Variants in CDIN1 observed in about 807,000 individuals in gnomAD.
The protein encoded by CDIN1 is CDAN1 interacting nuclease 1, also known as CDAN1-interacting nuclease 1.
A neutral mutation model predicts 45.3 loss-of-function variants in CDIN1; 33 were observed. The ratio of observed to expected loss-of-function variants is 0.73; its 90% CI spans 0.55 to 0.97. The LOEUF (loss-of-function observed/expected upper bound fraction) is 0.97, where lower values mean the gene tolerates loss of function less well. CDIN1 is among the 50% of genes least tolerant of loss of function. The pLI is 0.00. For synonymous variants in CDIN1, 118 were observed against 124.4 expected (o/e 0.95, Z 0.34); for missense variants, 303 against 339.4 (o/e 0.89, Z 0.84).
intron 5 of CDIN1, among the ~76,000 whole-genome samples, chr15:36,669,956 C>T (rs2041385560): frequency 6.6e-6 from 1 of 151,992 alleles, no homozygotes. Context: ...CCTTTCCATA[C>T]TCTCTTCTTT....
chr15:36,638,588 A>G (rs1429279325), intron 1 of CDIN1, among the ~76,000 whole-genome samples: 1 of 152,244 alleles, frequency 6.6e-6, no homozygotes, highest in Non-Finnish European at 1.5e-5. Flanking sequence ...AGGGAGAATA[A>G]TGGAAATTAC....
chr15:36,749,030 G>C (rs1359560624), intron 10 of CDIN1, among the ~76,000 whole-genome samples: 2 of 152,114 alleles, frequency 1.3e-5, no homozygotes, highest in Non-Finnish European at 2.9e-5. Context: ...AACCTGAAAT[G>C]AATGCTCTTT....
chr15:36,690,189 T>G (rs2042193025), intron 5 of CDIN1, among the ~76,000 whole-genome samples: 1 of 152,068 alleles, frequency 6.6e-6, no homozygotes, highest in South Asian at 2.1e-4. Context: ...CATGCTTCAT[T>G]TTTTCTTTGC....
chr15:36,613,862 T>C, intron 1 of CDIN1: 1 of 1,584,766 alleles, frequency 6.3e-7, no homozygotes, highest in Admixed American at 1.7e-5. Flanking sequence ...AGAGGTGGCT[T>C]GTAAGTGGGT....
chr15:36,704,420 GCA>G (rs1391952503), intron 8 of CDIN1: 1 of 151,908 alleles, frequency 6.6e-6, no homozygotes, highest in Non-Finnish European at 1.5e-5. Context: ...GTGTACCTTT[GCA>G]CACAGTTTGC....
At chr15:36,729,546 A>G (rs1388191419) in intron 10 of CDIN1, among the ~76,000 whole-genome samples, 1 of 152,198 alleles carries the variant, frequency 6.6e-6, no homozygotes, top group Non-Finnish European at 1.5e-5. Flanking sequence ...TAAATGATAA[A>G]TATGCCTTTG....
At chr15:36,780,653 G>A (rs1429112876) in intron 10 of CDIN1, among the ~76,000 whole-genome samples, 1 of 152,178 alleles carries the variant, frequency 6.6e-6, no homozygotes, top group Non-Finnish European at 1.5e-5. Context: ...TGCATATTAA[G>A]TACTTGTCAT....
chr15:36,646,484 A>C (rs2040335664), intron 3 of CDIN1, among the ~76,000 whole-genome samples: 1 of 115,022 alleles, frequency 8.7e-6, no homozygotes, highest in Middle Eastern at 3.7e-3. Flanking sequence ...TCTAAACAAG[A>C]CTTTGTAAAG....
At chr15:36,664,250 G>A (rs767733738) in intron 5 of CDIN1, among the ~76,000 whole-genome samples, 3 of 152,218 alleles carry the variant, frequency 2.0e-5, no homozygotes, top group Admixed American at 2.0e-4. Context: ...AAATGTGGAA[G>A]TGTGGGCTTC....
chr15:36,643,532 G>C (rs2040194468), intron 1 of CDIN1, among the ~76,000 whole-genome samples: 1 of 152,186 alleles, frequency 6.6e-6, no homozygotes, highest in Non-Finnish European at 1.5e-5. Flanking sequence ...AGTAGCAGTG[G>C]GGTATTGATT....
At chr15:36,630,662 G>A in intron 1 of CDIN1, among the ~76,000 whole-genome samples, 1 of 152,160 alleles carries the variant, frequency 6.6e-6, no homozygotes, top group East Asian at 1.9e-4. Context: ...GGCTGGGTAT[G>A]TTATAAAGAA....
intron 10 of CDIN1, among the ~76,000 whole-genome samples, chr15:36,798,015 G>A: frequency 8.9e-6 from 1 of 112,342 alleles, no homozygotes; most frequent in African/African-American, 3.5e-5. Flanking sequence ...ATATAGTAGA[G>A]AGTTATTAGC....
chr15:36,752,586 T>A (rs557555569), intron 10 of CDIN1, among the ~76,000 whole-genome samples: 1 of 152,354 alleles, frequency 6.6e-6, no homozygotes, highest in South Asian at 2.1e-4. Context: ...TGATCCCAAG[T>A]TAATGCAAAT....
intron 10 of CDIN1, among the ~76,000 whole-genome samples, chr15:36,736,703 T>A (rs1034603932): frequency 6.6e-6 from 1 of 152,170 alleles, no homozygotes; most frequent in Non-Finnish European, 1.5e-5. Context: ...TGGTAAATAA[T>A]GGCTGTCCAT....
chr15:36,786,254 C>A (rs2141069509), intron 10 of CDIN1, among the ~76,000 whole-genome samples: 1 of 152,254 alleles, frequency 6.6e-6, no homozygotes, highest in Non-Finnish European at 1.5e-5. Context: ...TTGTCTCAAT[C>A]CTATGATTTT....
intron 1 of CDIN1, among the ~76,000 whole-genome samples, chr15:36,604,330 G>A (rs1056242321): frequency 6.8e-6 from 1 of 146,932 alleles, no homozygotes; most frequent in African/African-American, 2.5e-5. Context: ...GTAATTTATG[G>A]TTTTCTAAAT....
intron 10 of CDIN1, among the ~76,000 whole-genome samples, chr15:36,802,280 CTCAGTAAATA>C (rs759200370): frequency 1.8e-4 from 28 of 152,100 alleles, no homozygotes; most frequent in Non-Finnish European, 3.2e-4. Context: ...ACACTGCCTG[CTCAGTAAATA>C]TTAGTTACCT....
intron 7 of CDIN1, among the ~76,000 whole-genome samples, chr15:36,696,005 A>G (rs1248660786): frequency 6.6e-6 from 1 of 152,016 alleles, no homozygotes; most frequent in South Asian, 2.1e-4. Context: ...GAGAAGCTAT[A>G]TGGAGGTCAT....
At chr15:36,801,540 G>A (rs564589058) in intron 10 of CDIN1, among the ~76,000 whole-genome samples, 1 of 152,090 alleles carries the variant, frequency 6.6e-6, no homozygotes, top group Admixed American at 6.6e-5. Flanking sequence ...TACCTCATAC[G>A]TTCACTTAGA....
Sources: gnomAD v4.1 joint callset for allele counts (sites outside exome capture counted in the v4.1 genomes callset) on GRCh38, gnomAD v4.1.1 for gene constraint, MANE v1.5 for transcripts, NCBI Gene and HGNC (gene_info 2026-07-23, HGNC 2026-07-21) for gene names.